AP3M2: variants seen among roughly 807,000 people sequenced by gnomAD.
AP3M2 encodes AP-3 complex subunit mu-2.
AP3M2 carries 28 observed loss-of-function variants against 41.6 expected under a neutral mutation model. The observed-to-expected ratio is 0.67, with a 90% CI of 0.50 to 0.92. The LOEUF is 0.92. Among genes scored for constraint, AP3M2 ranks in the 40% least tolerant of loss-of-function variants. AP3M2 has a pLI of 0.00. For synonymous variants in AP3M2, 193 were observed against 186.4 expected (o/e 1.04, Z -0.29); for missense variants, 427 against 521.4 (o/e 0.82, Z 1.76).
At chr8:42,158,309 C>T (rs965494946) in intron 3 of AP3M2, among the ~76,000 whole-genome samples, 197 bp downstream of exon 3, 1 of 148,728 alleles carries the variant, frequency 6.7e-6, no homozygotes, top group South Asian at 2.1e-4. Context: ...AGTGCAGTGG[C>T]GTGATCTTGG....
Position 42,162,321 on chromosome 8 carries a change from G to A in AP3M2, c.486G>A (p.Leu162=). 6.2e-7 allele frequency: 1 copy of A among 1,613,918 alleles called. No individual in the cohort carries two copies. The highest frequency in any genetic ancestry group is 1.1e-5 in the South Asian group (1 of 91,044). Reference sequence around the variant, plus strand: ...GTGACCAGCTTCCCACTGGGCAGCTGTCAGTGGTGCCTTGGCGACGGACTG... The same window carrying A: ...GTGACCAGCTTCCCACTGGGCAGCTATCAGTGGTGCCTTGGCGACGGACTG... ...NVGDQLPTGQ[L]SVVPWRRTGV... is the part of the protein sequence containing the mutation. Residue 162 remains leucine, a synonymous_variant, in exon 4 of 9, where the codon CTG becomes CTA. Transcript: ENST00000396926.
chr8:42,155,948 A>C (rs1288431912), intron 2 of AP3M2: 1 of 455,138 alleles, frequency 2.2e-6, no homozygotes, highest in Admixed American at 2.4e-5. Flanking sequence ...ATTAAAATAC[A>C]TTTTTTGTTT....
rs760282665 is a variant in AP3M2 at position 42,169,111 on chromosome 8, T to G, written c.*50T>G. On this transcript the variant is annotated 3_prime_UTR_variant, in exon 9 of 9. Transcript: ENST00000396926. The stretch of plus-strand genomic sequence containing the variant: ...TCTTGCACATTTTTTCATTTCTTAC[T>G]TGTCTAAAAGTAAAAAAAAATATCA... The G allele has an allele frequency of 1.3e-6, 2 of 1,497,040 alleles. No homozygotes were observed. Among genetic ancestry groups the G allele is most frequent in the South Asian group, 2.4e-5 (2 of 84,316 alleles). 92.7% of individuals were successfully genotyped at this position (1,497,040 alleles called of 1,614,324 possible).
At chr8:42,164,444 C>T (rs1324397111) in intron 4 of AP3M2, among the ~76,000 whole-genome samples, 1 of 152,022 alleles carries the variant, frequency 6.6e-6, no homozygotes, top group African/African-American at 2.4e-5. Context: ...GGTAAAATAA[C>T]CCAGGAGAGT....
intron 5 of AP3M2, 28 bp downstream of exon 5, chr8:42,165,184 C>A (rs753381401): frequency 6.3e-6 from 10 of 1,599,268 alleles, no homozygotes; most frequent in Admixed American, 5.1e-5. Flanking sequence ...AGATTAAGTT[C>A]TTGGGATGAG....
At chr8:42,166,759 C>A (rs1244169557) in intron 6 of AP3M2, among the ~76,000 whole-genome samples, 1 of 151,408 alleles carries the variant, frequency 6.6e-6, no homozygotes, top group Non-Finnish European at 1.5e-5. Context: ...CGAGCCAGAC[C>A]CTATCTCAAA....
In AP3M2 at chr8:42,154,681, C is replaced by T. The variant is rs567884622; in HGVS notation, c.-7C>T. On this transcript the variant is annotated 5_prime_UTR_variant, in exon 2 of 9. Coordinates refer to ENST00000396926, the MANE Select transcript of AP3M2 (RefSeq NM_006803.4). ...AAGGCTTTCTTCTGTCACTGACAATCGCCACCATGATCCATAGTCTTTTCT... is the reference window on the plus strand; with the variant it reads ...AAGGCTTTCTTCTGTCACTGACAATTGCCACCATGATCCATAGTCTTTTCT... 2.5e-6 allele frequency: 4 copies of T among 1,612,306 alleles called. No homozygotes were observed. The highest frequency in any genetic ancestry group is 3.4e-6 in the Non-Finnish European group (4 of 1,178,970).
At chr8:42,154,502 A>C in intron 1 of AP3M2, 114 bp from the exon 2 acceptor site, 1 of 738,608 alleles carries the variant, frequency 1.4e-6, no homozygotes, top group Non-Finnish European at 2.1e-6. Context: ...AGGCTCATGC[A>C]GGAGGGGAAG....
rs549583181 is a variant in AP3M2, at chr8:42,169,637, T to A, written c.*576T>A. 33 of 152,342 alleles carry A rather than the reference T, an allele frequency of 2.2e-4. No individual in the cohort carries two copies. The highest frequency in any genetic ancestry group is 7.9e-4 in the African/African-American group (33 of 41,570). The allele number at this position is 152,342 out of a possible 1,614,324, so 9.4% of individuals were successfully genotyped here. Reference sequence around the variant, plus strand: ...AAGAGTTGAGTTGGTTTCTTTCTGATTCCTCTACTCATGTAGAAAACACTT... The same window carrying A: ...AAGAGTTGAGTTGGTTTCTTTCTGAATCCTCTACTCATGTAGAAAACACTT... On this transcript the variant is annotated 3_prime_UTR_variant, in exon 9 of 9. Transcript: ENST00000396926.
chr8:42,162,031 T>C, intron 3 of AP3M2: 1 of 312,882 alleles, frequency 3.2e-6, no homozygotes, highest in Non-Finnish European at 5.8e-6. Context: ...AACCAAAATA[T>C]GATATCTGTT....
chr8:42,165,237 A>G, intron 5 of AP3M2, 81 bp downstream of exon 5: 1 of 1,484,728 alleles, frequency 6.7e-7, no homozygotes, highest in Non-Finnish European at 9.2e-7. Flanking sequence ...GGAATGGAAT[A>G]GAACAAGAAG....
At chr8:42,167,985 C>T (rs1043611241) in intron 8 of AP3M2, among the ~76,000 whole-genome samples, 175 bp downstream of exon 8, 9 of 152,188 alleles carry the variant, frequency 5.9e-5, no homozygotes, top group Admixed American at 3.9e-4. Context: ...AATTTACAAT[C>T]CTTCCTTTGA....
At chr8:42,165,748 G>A in intron 6 of AP3M2, 188 bp downstream of exon 6, 1 of 559,064 alleles carries the variant, frequency 1.8e-6, no homozygotes, top group Non-Finnish European at 3.0e-6. Flanking sequence ...TCTGTAAATT[G>A]AAAATAATAA....
At chr8:42,167,538 A>G in intron 7 of AP3M2, 128 bp from the exon 8 acceptor site, 1 of 1,381,026 alleles carries the variant, frequency 7.2e-7, no homozygotes, top group Non-Finnish European at 9.9e-7. Context: ...CAATGGAAAG[A>G]TACCCAGAGG....
At chr8:42,161,487 T>C (rs868194628) in intron 3 of AP3M2, among the ~76,000 whole-genome samples, 1 of 152,162 alleles carries the variant, frequency 6.6e-6, no homozygotes, top group Non-Finnish European at 1.5e-5. Context: ...CACGCGCCTG[T>C]AGTCCCAGCT....
intron 3 of AP3M2, 34 bp from the exon 4 acceptor site, chr8:42,162,247 T>C: frequency 6.3e-7 from 1 of 1,580,498 alleles, no homozygotes; most frequent in Non-Finnish European, 8.6e-7. Context: ...AGAGTCAAAA[T>C]GGTGTTAAAA....
At chr8:42,168,763 G>A (rs1034779193) in intron 8 of AP3M2, among the ~76,000 whole-genome samples, 198 bp from the exon 9 acceptor site, 2 of 152,134 alleles carry the variant, frequency 1.3e-5, no homozygotes, top group Admixed American at 1.3e-4. Context: ...TCTTCTCATA[G>A]GTAGCTTGTC....
chr8:42,163,048 G>A (rs1353442996), intron 4 of AP3M2, among the ~76,000 whole-genome samples: 2 of 150,062 alleles, frequency 1.3e-5, no homozygotes, highest in Non-Finnish European at 3.0e-5. Flanking sequence ...CAGAACTAAA[G>A]TTGTAATCAC....
At chr8:42,159,972 A>C (rs1804466273) in intron 3 of AP3M2, among the ~76,000 whole-genome samples, 1 of 151,952 alleles carries the variant, frequency 6.6e-6, no homozygotes, top group African/African-American at 2.4e-5. Flanking sequence ...TACAAGACCC[A>C]AGAGAGTTTT....
Sources: allele counts gnomAD v4.1 joint callset (sites outside exome capture counted in the v4.1 genomes callset), GRCh38; gene constraint gnomAD v4.1.1; transcripts MANE v1.5; gene names NCBI Gene and HGNC (gene_info 2026-07-23, HGNC 2026-07-21).